LOC400499: variants seen among roughly 807,000 people sequenced by gnomAD.
At chr16:11,399,995 T>C in the LOC400499 span, among the ~76,000 whole-genome samples, 1 of 151,364 alleles carries the variant, frequency 6.6e-6, no homozygotes, top group Non-Finnish European at 1.5e-5. Context: ...GAGACTGCCC[T>C]GCCTACCCCC....
the LOC400499 span, among the ~76,000 whole-genome samples, chr16:11,515,031 C>G: frequency 1.3e-5 from 2 of 151,996 alleles, no homozygotes; most frequent in South Asian, 4.2e-4. Context: ...GAGGGGCGGG[C>G]GTGGTGGCTC....
the LOC400499 span, chr16:11,407,301 C>G: frequency 2.5e-6 from 1 of 398,572 alleles, no homozygotes; most frequent in Non-Finnish European, 4.4e-6. Flanking sequence ...ACGCCCAAGG[C>G]GAACATGCTC....
At chr16:11,374,233 A>G in the LOC400499 span, among the ~76,000 whole-genome samples, 1 of 152,128 alleles carries the variant, frequency 6.6e-6, no homozygotes, top group Admixed American at 6.6e-5. Context: ...TCTCCTTAAG[A>G]GTGTTTGGTT....
the LOC400499 span, among the ~76,000 whole-genome samples, chr16:11,376,065 G>A: frequency 6.8e-3 from 1,031 of 152,284 alleles, 10 homozygotes; most frequent in African/African-American, 0.024. Flanking sequence ...ACCGGGTTGG[G>A]TTTTTGTTGT....
the LOC400499 span, chr16:11,381,133 TGGAACTCACTCCCCGTGCC>T: frequency 6.6e-6 from 1 of 152,312 alleles, no homozygotes; most frequent in African/African-American, 2.4e-5. Context: ...GCTGAGTCCT[TGGAACTCACTCCCCGTGCC>T]GGAACTCACT....
At chr16:11,392,946 C>T in the LOC400499 span, 5 of 321,104 alleles carry the variant, frequency 1.6e-5, no homozygotes, top group Admixed American at 6.5e-5. Context: ...CTCCGCTTCC[C>T]GGGTTCACGC....
chr16:11,417,801 C>G, the LOC400499 span: 1 of 398,956 alleles, frequency 2.5e-6, no homozygotes, highest in East Asian at 3.6e-5. Flanking sequence ...GTCCAGAATG[C>G]TCGAAGCCGG....
chr16:11,442,701 A>C, the LOC400499 span, among the ~76,000 whole-genome samples: 1 of 152,202 alleles, frequency 6.6e-6, no homozygotes, highest in African/African-American at 2.4e-5. Flanking sequence ...CTGATTTTCA[A>C]TGGTAGCAAT....
the LOC400499 span, among the ~76,000 whole-genome samples, chr16:11,411,912 G>C: frequency 6.6e-6 from 1 of 151,362 alleles, no homozygotes; most frequent in East Asian, 1.9e-4. Flanking sequence ...ACCCAGGCTG[G>C]AGTGCAGTGG....
chr16:11,411,034 C>A, the LOC400499 span, among the ~76,000 whole-genome samples: 1 of 152,278 alleles, frequency 6.6e-6, no homozygotes. Context: ...GTGAGCCTGA[C>A]TGGGGGCCAC....
At chr16:11,459,995 G>C in the LOC400499 span, 2 of 1,508,362 alleles carry the variant, frequency 1.3e-6, 1 homozygote. Context: ...AGTGCTTCCC[G>C]TAGCTCACCT....
the LOC400499 span, among the ~76,000 whole-genome samples, chr16:11,462,828 T>A: frequency 6.6e-6 from 1 of 152,146 alleles, no homozygotes; most frequent in Non-Finnish European, 1.5e-5. Flanking sequence ...ATCCCCCTCA[T>A]TCAGTCCATC....
At chr16:11,480,589 G>A in the LOC400499 span, among the ~76,000 whole-genome samples, 1 of 152,186 alleles carries the variant, frequency 6.6e-6, no homozygotes, top group Admixed American at 6.5e-5. Context: ...CCTGCGAATG[G>A]TGAGCTTCTA....
chr16:11,414,314 G>A, the LOC400499 span: 3 of 399,170 alleles, frequency 7.5e-6, no homozygotes, highest in Admixed American at 4.4e-5. Flanking sequence ...AGAATGTGGA[G>A]GGAGGTCCTG....
chr16:11,514,813 C>T, the LOC400499 span, among the ~76,000 whole-genome samples: 1 of 152,192 alleles, frequency 6.6e-6, no homozygotes, highest in Non-Finnish European at 1.5e-5. Context: ...AGTGACCCCC[C>T]AGGAGAGGAA....
At chr16:11,501,080 C>A in the LOC400499 span, 3 of 390,986 alleles carry the variant, frequency 7.7e-6, no homozygotes, top group Non-Finnish European at 1.3e-5. Flanking sequence ...ACATGCCCAC[C>A]CTCACACCTT....
At chr16:11,500,735 C>A in the LOC400499 span, 4 of 398,410 alleles carry the variant, frequency 1.0e-5, no homozygotes, top group Non-Finnish European at 1.3e-5. Context: ...ATCACCTCCC[C>A]CACATCTAAC....
the LOC400499 span, among the ~76,000 whole-genome samples, chr16:11,445,626 G>A: frequency 2.6e-5 from 4 of 152,118 alleles, no homozygotes; most frequent in Non-Finnish European, 5.9e-5. Flanking sequence ...AGCCAGGCGA[G>A]GAAATGCGAA....
the LOC400499 span, chr16:11,384,318 G>T: frequency 2.4e-6 from 3 of 1,231,328 alleles, no homozygotes; most frequent in Admixed American, 4.2e-5. Flanking sequence ...GAAGGCCAGC[G>T]GATATGCCTG....
Sources: allele counts gnomAD v4.1 joint callset (sites outside exome capture counted in the v4.1 genomes callset), GRCh38; gene constraint gnomAD v4.1.1; transcripts MANE v1.5.